IL34: variants seen among roughly 807,000 people sequenced by gnomAD.
IL34 encodes the protein interleukin-34.
A neutral mutation model predicts 25.3 loss-of-function variants in IL34; 17 were observed. That is an observed-to-expected ratio of 0.67 (90% CI 0.46 to 1.01). IL34 has a LOEUF of 1.01. Among genes scored for constraint, IL34 ranks in the 50% least tolerant of loss-of-function variants. The probability of loss-of-function intolerance (pLI) is 0.00; values close to 1 mark genes in which losing one functional copy is unlikely to be tolerated. For missense variants in IL34, 368 were observed against 312.9 expected (o/e 1.18, Z -1.33); for synonymous variants, 174 against 140.9 (o/e 1.23, Z -1.66).
chr16:70,618,355 A>G (rs1018369815), intron 1 of IL34, among the ~76,000 whole-genome samples: 33 of 152,130 alleles, frequency 2.2e-4, no homozygotes, highest in East Asian at 1.2e-3. Flanking sequence ...ATAATGTGGG[A>G]GGCCGGATTG....
intron 1 of IL34, among the ~76,000 whole-genome samples, chr16:70,594,832 G>A (rs2050797231): frequency 6.6e-6 from 1 of 152,104 alleles, no homozygotes; most frequent in South Asian, 2.1e-4. Context: ...GAGGAGGTGA[G>A]GAGGAGGCTT....
intron 1 of IL34, among the ~76,000 whole-genome samples, chr16:70,592,396 T>C (rs2050766722): frequency 6.6e-6 from 1 of 152,078 alleles, no homozygotes; most frequent in Non-Finnish European, 1.5e-5. Context: ...CCCATGAGAA[T>C]CAGGTAGCAA....
intron 1 of IL34, among the ~76,000 whole-genome samples, chr16:70,595,927 C>T (rs936226398): frequency 6.6e-6 from 1 of 151,444 alleles, no homozygotes; most frequent in Admixed American, 6.6e-5. Context: ...AGGAGAATTG[C>T]TGGAACTTGG....
chr16:70,654,828 T>C (rs569047636), intron 2 of IL34, among the ~76,000 whole-genome samples, 157 bp downstream of exon 2: 1 of 152,234 alleles, frequency 6.6e-6, no homozygotes, highest in East Asian at 1.9e-4. Context: ...CCCATGCACC[T>C]GGTCTGCACT....
chr16:70,650,476 T>TCCCCAGGG, intron 1 of IL34, among the ~76,000 whole-genome samples: 1 of 151,922 alleles, frequency 6.6e-6, no homozygotes, highest in Admixed American at 6.6e-5. Context: ...AGCTGCCGGG[T>TCCCCAGGG]CCCCAGGGCC....
chr16:70,649,064 C>G (rs1597776970), intron 1 of IL34, among the ~76,000 whole-genome samples: 1 of 152,266 alleles, frequency 6.6e-6, no homozygotes, highest in Non-Finnish European at 1.5e-5. Flanking sequence ...TCTTGACATC[C>G]TTCATTTAAT....
chr16:70,587,199 C>T (rs2050704858), intron 1 of IL34, among the ~76,000 whole-genome samples: 1 of 152,100 alleles, frequency 6.6e-6, no homozygotes, highest in African/African-American at 2.4e-5. Context: ...CACTGAGCCA[C>T]CCTAGTGACA....
intron 1 of IL34, among the ~76,000 whole-genome samples, chr16:70,650,398 G>C (rs2052049599): frequency 6.6e-6 from 1 of 152,218 alleles, no homozygotes; most frequent in Admixed American, 6.5e-5. Context: ...CAGGGCAGCT[G>C]TGTGCCCACC....
At chr16:70,615,815 T>G (rs1653954549) in intron 1 of IL34, among the ~76,000 whole-genome samples, 1 of 152,088 alleles carries the variant, frequency 6.6e-6, no homozygotes, top group Non-Finnish European at 1.5e-5. Flanking sequence ...TAGCTGAGTG[T>G]GGTGGTGCAC....
intron 1 of IL34, among the ~76,000 whole-genome samples, chr16:70,653,121 G>A (rs984038241): frequency 1.3e-5 from 2 of 152,122 alleles, no homozygotes; most frequent in East Asian, 1.9e-4. Flanking sequence ...CCTGAGGCAC[G>A]AGAATTGCTT....
chr16:70,595,610 G>A (rs1186994810), intron 1 of IL34, among the ~76,000 whole-genome samples: 1 of 152,060 alleles, frequency 6.6e-6, no homozygotes, highest in Non-Finnish European at 1.5e-5. Context: ...GAGCCACTGC[G>A]CCAGGGCTCC....
intron 1 of IL34, among the ~76,000 whole-genome samples, chr16:70,635,627 T>C (rs2051624479): frequency 6.6e-6 from 1 of 152,186 alleles, no homozygotes; most frequent in Admixed American, 6.5e-5. Context: ...CATTGACTGG[T>C]CCCACGCTGG....
intron 1 of IL34, among the ~76,000 whole-genome samples, chr16:70,650,815 G>A (rs1209441564): frequency 1.3e-5 from 2 of 152,174 alleles, no homozygotes; most frequent in Non-Finnish European, 2.9e-5. Flanking sequence ...GTGCCTTAAC[G>A]AGCTCTGCAA....
chr16:70,611,666 A>C (rs1232962619), intron 1 of IL34, among the ~76,000 whole-genome samples: 1 of 152,038 alleles, frequency 6.6e-6, no homozygotes, highest in Admixed American at 6.6e-5. Flanking sequence ...CAACATGGTG[A>C]AACCCCGTTT....
upstream of IL34, among the ~76,000 whole-genome samples, chr16:70,642,623 C>T (rs1170096896): frequency 6.6e-6 from 1 of 152,066 alleles, no homozygotes; most frequent in Non-Finnish European, 1.5e-5. Context: ...AAGGCATTAT[C>T]CCACCATAAG....
intron 2 of IL34, among the ~76,000 whole-genome samples, chr16:70,655,276 C>A (rs1227698810): frequency 6.6e-6 from 1 of 151,980 alleles, no homozygotes; most frequent in African/African-American, 2.4e-5. Flanking sequence ...TGGTCTCCAT[C>A]TCTTGACCTC....
intron 1 of IL34, among the ~76,000 whole-genome samples, chr16:70,607,097 GT>G (rs201057668): frequency 0.014 from 2,157 of 151,920 alleles, 53 homozygotes; most frequent in African/African-American, 0.045. Context: ...TTAGGATTTT[GT>G]TTTCTTTTCT....
At chr16:70,599,027 T>C (rs2050866078) in intron 1 of IL34, among the ~76,000 whole-genome samples, 3 of 152,206 alleles carry the variant, frequency 2.0e-5, no homozygotes, top group African/African-American at 7.2e-5. Context: ...TAAGATGTTA[T>C]CTCATGTTCA....
At chr16:70,648,886 C>A (rs2052010232) in intron 1 of IL34, among the ~76,000 whole-genome samples, 1 of 152,214 alleles carries the variant, frequency 6.6e-6, no homozygotes, top group Admixed American at 6.5e-5. Flanking sequence ...TCCCTTGCCT[C>A]TTCCAGCTCC....
Sources: allele counts gnomAD v4.1 joint callset (sites outside exome capture counted in the v4.1 genomes callset), GRCh38; gene constraint gnomAD v4.1.1; transcripts MANE v1.5; gene names NCBI Gene and HGNC (gene_info 2026-07-23, HGNC 2026-07-21).